PAXIP1: variants seen among roughly 807,000 people sequenced by gnomAD.
The protein encoded by PAXIP1 is PAX-interacting protein 1.
In PAXIP1, 19 loss-of-function variants were observed where a neutral mutation model predicts 140.6. The observed-to-expected ratio is 0.14, with a 90% CI of 0.09 to 0.20. The LOEUF (loss-of-function observed/expected upper bound fraction) is 0.20, where lower values mean the gene tolerates loss of function less well. Among genes scored for constraint, PAXIP1 ranks in the 10% least tolerant of loss-of-function variants. The pLI, the probability that PAXIP1 is intolerant of heterozygous loss-of-function variation, is 1.00. For missense variants in PAXIP1, 920 were observed against 1,208.6 expected, an observed-to-expected ratio of 0.76 and a Z score of 3.54; for synonymous variants, 442 against 444.6, an observed-to-expected ratio of 0.99 and a Z score of 0.07.
chr7:154,950,271 A>G (rs1312250531), intron 16 of PAXIP1: 1 of 151,934 alleles, frequency 6.6e-6, no homozygotes, highest in African/African-American at 2.4e-5. Context: ...CTCTTTTAAA[A>G]AAAACTGACC....
At chr7:154,957,138 T>C (rs1409682009) in intron 14 of PAXIP1, 86 bp downstream of exon 14, 1 of 663,924 alleles carries the variant, frequency 1.5e-6, no homozygotes, top group Non-Finnish European at 2.6e-6. Flanking sequence ...TGCAAAACAT[T>C]TTAGAAACTT....
intron 2 of PAXIP1, among the ~76,000 whole-genome samples, chr7:154,996,351 T>C (rs1467164153): frequency 6.6e-6 from 1 of 152,158 alleles, no homozygotes; most frequent in Non-Finnish European, 1.5e-5. Flanking sequence ...ACAGATGAAA[T>C]ATGTCTGTCA....
At chr7:154,995,250 G>T (rs1810525558) in intron 2 of PAXIP1, among the ~76,000 whole-genome samples, 1 of 152,220 alleles carries the variant, frequency 6.6e-6, no homozygotes, top group Non-Finnish European at 1.5e-5. Context: ...GTGACCACAG[G>T]TGTGTTCTCA....
chr7:154,975,637 A>T, intron 6 of PAXIP1, 59 bp downstream of exon 6: 1 of 1,173,642 alleles, frequency 8.5e-7, no homozygotes, highest in Non-Finnish European at 1.2e-6. Flanking sequence ...ATTGAAATAG[A>T]CTGTGAAATC....
Position 154,976,243 on chromosome 7 carries a change from T to G in PAXIP1, c.527A>C (p.Lys176Thr). 7 of 1,613,888 alleles carry G rather than the reference T, an allele frequency of 4.3e-6. No individual in the cohort carries two copies. Among genetic ancestry groups the G allele is most frequent in the Non-Finnish European group, 5.9e-6 (7 of 1,179,810 alleles). The change falls in exon 6 of 21, where the codon AAG (lysine) becomes ACG (threonine). Residue 176 changes from lysine to threonine, a missense_variant. Lys to Thr is a moderately conservative substitution (Grantham distance 78, BLOSUM62 -1). Transcript: ENST00000404141. ...ACGAGGATGATAAAATGCTTCGTCC[T>G]TTTTGGTTTTCTCTGATACGCAATC... is the stretch of plus-strand genomic sequence containing the variant. ...VLDCVSEKTKKDEAFYHPRLI... is the reference protein window; with the variant it reads ...VLDCVSEKTKTDEAFYHPRLI...
intron 6 of PAXIP1, 113 bp from the exon 7 acceptor site, chr7:154,969,239 A>G (rs924456961): frequency 1.7e-5 from 19 of 1,128,386 alleles, no homozygotes; most frequent in Non-Finnish European, 2.3e-5. Flanking sequence ...TCAACTAAGT[A>G]GACACAGCAA....
At chr7:154,994,202 C>A (rs991726298) in intron 2 of PAXIP1, among the ~76,000 whole-genome samples, 16 of 152,020 alleles carry the variant, frequency 1.1e-4, no homozygotes, top group Admixed American at 2.0e-4. Context: ...TGAAGTCAAG[C>A]AGATACAATG....
chr7:154,946,676 C>T lies in PAXIP1; in HGVS notation c.3057+3G>A, dbSNP rs1309009695. ...ACTCGCTGGCGGACTCCACTCTACC[C>T]ACCGAGTTCTGCTTGTGCTCCATGA... On this transcript the variant is annotated splice_donor_region_variant and intron_variant, in intron 18 of 20. Transcript: ENST00000404141. The surrounding 1 kb of genome is among the most constrained non-coding windows in gnomAD (Gnocchi z 4.9). 4 of 1,613,712 alleles carry T rather than the reference C, an allele frequency of 2.5e-6. No homozygotes were observed. The African/African-American group carries it at 5.3e-5, about 22-fold the overall frequency.
intron 9 of PAXIP1, chr7:154,962,779 G>T: frequency 5.7e-6 from 1 of 175,004 alleles, no homozygotes; most frequent in Non-Finnish European, 1.2e-5. Flanking sequence ...AAGGACAGAG[G>T]GCCCCACATA....
chr7:154,960,988 A>T lies in PAXIP1; in HGVS notation c.2339T>A (p.Phe780Tyr). Reference sequence around the variant, plus strand: ...ATACTGAATCTGCCTCAGTGCCTCAAAGTTTCCCAGAAGAATGTCGCCAAG... The same window carrying T: ...ATACTGAATCTGCCTCAGTGCCTCATAGTTTCCCAGAAGAATGTCGCCAAG... ...QWLGDILLGN[F>Y]EALRQIQYSR... The change falls in exon 12 of 21, where the codon TTT (phenylalanine) becomes TAT (tyrosine). Residue 780 changes from phenylalanine (F) to tyrosine (Y), a missense_variant. By Grantham distance (22) the Phe-to-Tyr change is conservative. This residue lies in a region of PAXIP1 where 303 missense variants were observed against 517.9 expected (regional missense o/e 0.59). Transcript: ENST00000404141. 1 of 1,602,964 alleles carries T rather than the reference A, an allele frequency of 6.2e-7. No homozygotes were observed. The highest frequency in any genetic ancestry group is 8.5e-7 in the Non-Finnish European group (1 of 1,174,410).
chr7:154,977,647 G>A (rs1355655357), intron 5 of PAXIP1, among the ~76,000 whole-genome samples: 3 of 152,140 alleles, frequency 2.0e-5, no homozygotes, highest in African/African-American at 7.2e-5. Context: ...TGAATAAGAA[G>A]CTAAGCAAAG....
intron 8 of PAXIP1, chr7:154,965,767 G>A (rs1340936219): frequency 6.6e-6 from 1 of 152,186 alleles, no homozygotes; most frequent in South Asian, 2.1e-4. Context: ...TATCAGTAAG[G>A]CTTCTGGTTA....
chr7:154,996,404 T>C lies in PAXIP1; in HGVS notation c.216+2246A>G, dbSNP rs74639958. On this transcript the variant is annotated intron_variant, in intron 2 of 20. Transcript: ENST00000404141. ...TAGCCAGAGGGGGAAAAAGTTGGGT[T>C]TGAATACAGTAAACTACCTTGGCAA... Among the ~76,000 whole-genome samples the C allele has an allele frequency of 1.6e-4, 25 of 152,322 alleles. No homozygotes were observed. The East Asian group carries it at 4.8e-3, about 29-fold the overall frequency.
chr7:154,976,443 C>T, intron 5 of PAXIP1, 112 bp from the exon 6 acceptor site: 1 of 1,399,402 alleles, frequency 7.1e-7, no homozygotes, highest in Non-Finnish European at 9.6e-7. Context: ...AAATGTTGAG[C>T]AACTATTATT....
rs141899815 is a variant in PAXIP1 at position 154,956,618 on chromosome 7, A to G, written c.2549+606T>C. The G allele has an allele frequency of 1.2e-3, 180 of 152,400 alleles. No homozygotes were observed. Among genetic ancestry groups the G allele is most frequent in the Non-Finnish European group, 1.8e-3 (125 of 68,076 alleles). 9.4% of individuals were successfully genotyped at this position (152,400 alleles called of 1,614,324 possible). On this transcript the variant is annotated intron_variant, in intron 14 of 20. Coordinates refer to ENST00000404141, the MANE Select transcript of PAXIP1 (RefSeq NM_007349.4). The surrounding 1 kb of genome is among the most constrained non-coding windows in gnomAD (Gnocchi z 4.2). ...TAAAATGATATGCATCTCAATCTGC[A>G]TACTCCAAGCCAAAACCCAACATGC...
At chr7:154,975,535 C>T (rs1406833743) in intron 6 of PAXIP1, among the ~76,000 whole-genome samples, 161 bp downstream of exon 6, 1 of 151,614 alleles carries the variant, frequency 6.6e-6, no homozygotes, top group Non-Finnish European at 1.5e-5. Flanking sequence ...CACACACACA[C>T]ACACACACAC....
Position 154,978,155 on chromosome 7 carries a change from C to A in PAXIP1, c.439-1824G>T, listed in dbSNP as rs575029710. Among the ~76,000 whole-genome samples, 4 of 152,308 alleles carry A rather than the reference C, an allele frequency of 2.6e-5. No individual in the cohort carries two copies. The South Asian group carries it at 8.3e-4, about 32-fold the overall frequency. The stretch of plus-strand genomic sequence containing the variant: ...AGCAGCACAATGAACTATGATTCAC[C>A]TCATCCTCAGGCCCTATTCAGATCT... On this transcript the variant is annotated intron_variant, in intron 5 of 20. Transcript: ENST00000404141.
intron 4 of PAXIP1, among the ~76,000 whole-genome samples, chr7:154,988,979 C>A (rs1585079361): frequency 6.6e-6 from 1 of 152,136 alleles, no homozygotes. Flanking sequence ...CCCAGCATTT[C>A]TTTTCTCATT....
At chr7:154,945,481 G>C in intron 20 of PAXIP1, 1 of 981,496 alleles carries the variant, frequency 1.0e-6, no homozygotes, top group Non-Finnish European at 1.2e-6. Flanking sequence ...AAAAAAACTC[G>C]GCAAGGATGG....
Sources: allele counts gnomAD v4.1 joint callset (sites outside exome capture counted in the v4.1 genomes callset), GRCh38; gene constraint gnomAD v4.1.1; regional missense constraint gnomAD v4.1.1; non-coding constraint Gnocchi (gnomAD v3.1); transcripts MANE v1.5; gene names NCBI Gene and HGNC (gene_info 2026-07-23, HGNC 2026-07-21).